Variants in FBXL17 observed in about 807,000 individuals in gnomAD.
FBXL17 encodes F-box and leucine rich repeat protein 17.
Under a neutral mutation model 66.2 loss-of-function variants are expected in FBXL17, and 22 were observed. That is an observed-to-expected ratio of 0.33 (90% CI 0.24 to 0.47). The LOEUF (loss-of-function observed/expected upper bound fraction) is 0.47. Among genes scored for constraint, FBXL17 ranks in the 20% least tolerant of loss-of-function variants. The probability of loss-of-function intolerance (pLI) is 1.00; values close to 1 mark genes in which losing one functional copy is unlikely to be tolerated. For missense variants in FBXL17, 878 were observed against 948.2 expected (o/e 0.93, Z 0.97); for synonymous variants, 474 against 400.5 (o/e 1.18, Z -2.19).
intron 6 of FBXL17, among the ~76,000 whole-genome samples, chr5:108,098,382 A>G (rs1302482731): frequency 6.6e-6 from 1 of 152,144 alleles, no homozygotes; most frequent in Non-Finnish European, 1.5e-5. Context: ...AAATAAATAA[A>G]AATAAAGGCT....
At chr5:108,203,195 C>A (rs957571706) in intron 5 of FBXL17, among the ~76,000 whole-genome samples, 1 of 149,450 alleles carries the variant, frequency 6.7e-6, no homozygotes, top group Non-Finnish European at 1.5e-5. Flanking sequence ...TTTTTTTTTT[C>A]ATTGTTCAAC....
chr5:107,883,971 C>A (rs1161583410), intron 7 of FBXL17, among the ~76,000 whole-genome samples: 1 of 152,066 alleles, frequency 6.6e-6, no homozygotes, highest in Non-Finnish European at 1.5e-5. Flanking sequence ...TGAGAAAGGA[C>A]AAGTGAGCCG....
At chr5:108,280,354 A>G (rs1428745782) in intron 4 of FBXL17, among the ~76,000 whole-genome samples, 3 of 152,186 alleles carry the variant, frequency 2.0e-5, no homozygotes, top group Non-Finnish European at 4.4e-5. Flanking sequence ...TGCCAGCAAG[A>G]TTAATCTTCA....
intron 6 of FBXL17, among the ~76,000 whole-genome samples, chr5:108,147,134 T>C (rs781368799): frequency 1.4e-4 from 21 of 152,214 alleles, no homozygotes; most frequent in South Asian, 2.1e-4. Flanking sequence ...CTCTTAATAC[T>C]ATTACAGTGG....
intron 8 of FBXL17, chr5:107,880,142 A>C (rs1431149198): frequency 5.1e-6 from 1 of 197,196 alleles, no homozygotes; most frequent in Non-Finnish European, 9.1e-6. Context: ...ATCACGGCTC[A>C]CTGCAACCTC....
Position 107,861,494 on chromosome 5 carries a change from T to C in FBXL17, c.*226A>G, listed in dbSNP as rs1580661113. On this transcript the variant is annotated 3_prime_UTR_variant, in exon 9 of 9. Transcript: ENST00000542267. ...CCTTTGAAGTTAAAAACTAAAAAGT[T>C]TGTGGCTTTCATAATCTTTAATTTC... The C allele has an allele frequency of 8.4e-6, 3 of 355,998 alleles. No homozygotes were observed. The highest frequency in any genetic ancestry group is 1.5e-5 in the Non-Finnish European group (3 of 203,162). 22.1% of individuals were successfully genotyped at this position (355,998 alleles called of 1,614,324 possible).
chr5:108,282,540 C>T (rs1312057779), intron 4 of FBXL17, among the ~76,000 whole-genome samples: 1 of 151,714 alleles, frequency 6.6e-6, no homozygotes, highest in Non-Finnish European at 1.5e-5. Flanking sequence ...CTATATACGA[C>T]AAAACCACAG....
intron 5 of FBXL17, among the ~76,000 whole-genome samples, chr5:108,192,332 C>G (rs1753501397): frequency 6.6e-6 from 1 of 152,150 alleles, no homozygotes; most frequent in South Asian, 2.1e-4. Context: ...AAATGTTTCA[C>G]TCCAATTTTT....
At chr5:107,982,037 A>G (rs772124032) in intron 7 of FBXL17, among the ~76,000 whole-genome samples, 1 of 152,188 alleles carries the variant, frequency 6.6e-6, no homozygotes, top group Non-Finnish European at 1.5e-5. Context: ...CGGAGTCTCA[A>G]AGAGTAGGGA....
At chr5:108,216,407 TATAA>T (rs1430454686) in intron 5 of FBXL17, among the ~76,000 whole-genome samples, 8 of 152,194 alleles carry the variant, frequency 5.3e-5, no homozygotes, top group Non-Finnish European at 1.2e-4. Flanking sequence ...TAAATGTATT[TATAA>T]ATGTTTTATT....
intron 6 of FBXL17, among the ~76,000 whole-genome samples, chr5:108,023,385 A>T (rs1754670880): frequency 6.6e-6 from 1 of 152,168 alleles, no homozygotes; most frequent in African/African-American, 2.4e-5. Context: ...AGTGGTTGAA[A>T]TAGGTAGATA....
intron 8 of FBXL17, among the ~76,000 whole-genome samples, chr5:107,874,193 T>C (rs1748544055): frequency 6.6e-6 from 1 of 152,084 alleles, no homozygotes; most frequent in Non-Finnish European, 1.5e-5. Context: ...AAAAAAATTC[T>C]AACATTTTCA....
intron 6 of FBXL17, among the ~76,000 whole-genome samples, chr5:108,141,101 G>A (rs1374512799): frequency 6.6e-6 from 1 of 151,976 alleles, no homozygotes; most frequent in Non-Finnish European, 1.5e-5. Flanking sequence ...CCTGCTTCTT[G>A]CATGCATTAT....
chr5:108,365,235 T>C (rs1374168390), intron 2 of FBXL17, among the ~76,000 whole-genome samples: 1 of 152,106 alleles, frequency 6.6e-6, no homozygotes, highest in Non-Finnish European at 1.5e-5. Context: ...TGGAATTTCC[T>C]AAGCAATAGA....
chr5:108,275,910 G>A lies in FBXL17; in HGVS notation c.1507-51682C>T, dbSNP rs76225536. Among the ~76,000 whole-genome samples the A allele has an allele frequency of 2.8e-3, 433 of 152,244 alleles. 3 individuals carry two copies. Among genetic ancestry groups the A allele is most frequent in the African/African-American group, 9.7e-3 (401 of 41,554 alleles). On this transcript the variant is annotated intron_variant, in intron 4 of 8. Transcript: ENST00000542267. ...ACTATCACAGAATCAATGTGGATGA[G>A]GAATGTTGGCAGGAGAGAATTTGTA...
chr5:108,030,781 A>G (rs1746590300), intron 6 of FBXL17, among the ~76,000 whole-genome samples: 1 of 152,150 alleles, frequency 6.6e-6, no homozygotes, highest in Admixed American at 6.6e-5. Context: ...CATTAGTGGA[A>G]TAAGGAAGGG....
chr5:108,022,727 A>C (rs957385103), intron 6 of FBXL17, among the ~76,000 whole-genome samples: 1 of 152,158 alleles, frequency 6.6e-6, no homozygotes, highest in African/African-American at 2.4e-5. Flanking sequence ...TAAATATGCT[A>C]TAAGCACATA....
chr5:108,257,188 A>G (rs969770021), intron 4 of FBXL17, among the ~76,000 whole-genome samples: 6 of 152,174 alleles, frequency 3.9e-5, no homozygotes, highest in Admixed American at 3.3e-4. Context: ...AAAACAGCAC[A>G]ACAAACAAAG....
intron 4 of FBXL17, among the ~76,000 whole-genome samples, chr5:108,249,301 A>T (rs1756244182): frequency 6.6e-6 from 1 of 152,102 alleles, no homozygotes; most frequent in East Asian, 1.9e-4. Flanking sequence ...TGCTCCTGCT[A>T]GGGAGTGTAT....
Sources: allele counts gnomAD v4.1 joint callset (sites outside exome capture counted in the v4.1 genomes callset), GRCh38; gene constraint gnomAD v4.1.1; transcripts MANE v1.5; gene names NCBI Gene and HGNC (gene_info 2026-07-23, HGNC 2026-07-21).